DMPK: variants seen among roughly 807,000 people sequenced by gnomAD.
DMPK encodes the protein DM1 protein kinase.
A neutral mutation model predicts 70.3 loss-of-function variants in DMPK; 32 were observed. The ratio of observed to expected loss-of-function variants is 0.46; its 90% CI spans 0.34 to 0.61. The LOEUF (loss-of-function observed/expected upper bound fraction) is 0.61, where lower values mean the gene tolerates loss of function less well. Among genes scored for constraint, DMPK ranks in the 20% least tolerant of loss-of-function variants. The probability of loss-of-function intolerance (pLI) is 0.01; values close to 1 mark genes in which losing one functional copy is unlikely to be tolerated. For synonymous variants in DMPK, 469 were observed against 390.9 expected (o/e 1.20, Z -2.36); for missense variants, 899 against 886.0 (o/e 1.01, Z -0.19).
At position 45,775,418 on chromosome 19, in the gene DMPK, CT is replaced by C; in HGVS notation, c.1147-385del. The C allele has an allele frequency of 2.4e-3, 337 of 140,258 alleles. 6 individuals carry two copies. Among genetic ancestry groups the C allele is most frequent in the South Asian group, 0.013 (85 of 6,338 alleles). The allele number at this position is 140,258 out of a possible 1,614,324, so 8.7% of individuals were successfully genotyped here. A position where few individuals can be genotyped will look rare whatever the true frequency, so the allele number is the denominator to read the frequency against. ...TTCTGACCTCAAGTGATCCGCCTAC[CT>C]CAGCTGTTGTAGTCCCAAACTCTGG... On this transcript the variant is annotated intron_variant, in intron 8 of 14. Transcript: ENST00000291270.
At chr19:45,774,453 G>A (rs1006121817) in intron 9 of DMPK, among the ~76,000 whole-genome samples, 12 of 151,692 alleles carry the variant, frequency 7.9e-5, no homozygotes, top group South Asian at 4.2e-4. Context: ...TAGTAGAGAC[G>A]GGGTTTCACC....
Position 45,774,301 on chromosome 19 carries a change from C to T in DMPK, c.1232+648G>A, listed in dbSNP as rs868643173. ...TTTTTGAGACGGAGTCTTGCTCTGTCGCCCAGGCTGGAGTGCAGTGGCATG... is the reference window on the plus strand; with the variant it reads ...TTTTTGAGACGGAGTCTTGCTCTGTTGCCCAGGCTGGAGTGCAGTGGCATG... On this transcript the variant is annotated intron_variant, in intron 9 of 14. Transcript: ENST00000291270. Among the ~76,000 whole-genome samples the T allele has an allele frequency of 6.2e-5, 8 of 129,520 alleles. No individual in the cohort carries two copies. In the South Asian group the frequency reaches 9.7e-4, roughly 16 times the overall value. The allele number at this position is 129,520 out of a possible 152,430, so 85.0% of individuals were successfully genotyped here. A position where few individuals can be genotyped will look rare whatever the true frequency, so the allele number is the denominator to read the frequency against.
chr19:45,781,615 G>A (rs933423924), intron 1 of DMPK, among the ~76,000 whole-genome samples: 2 of 152,352 alleles, frequency 1.3e-5, no homozygotes, highest in African/African-American at 2.4e-5. Flanking sequence ...GGATCGCAGA[G>A]GAGGGGGCAC....
In DMPK at chr19:45,771,897, G is replaced by T; in HGVS notation, c.1376C>A (p.Ala459Glu). 1 of 1,595,440 alleles carries T rather than the reference G, an allele frequency of 6.3e-7. No homozygotes were observed. Among genetic ancestry groups the T allele is most frequent in the Non-Finnish European group, 8.5e-7 (1 of 1,170,970 alleles). The stretch of plus-strand genomic sequence containing the variant: ...CGTCACCTCGGCCTCAGCCTCTGCC[G>T]CAGGGACAGCCGCTGGAACTGCCAC... ...AEVAVPAAVP[A>E]AEAEAEVTLR... The change falls in exon 11 of 15, where the codon GCG becomes GAG. Residue 459 changes from alanine (A) to glutamate (E), a missense_variant. Ala to Glu is a moderately radical substitution (Grantham distance 107). Around this residue, in one of 3 missense-constraint regions of DMPK, gnomAD observed 555 missense variants for 483.8 expected, o/e 1.15. Coordinates refer to ENST00000291270, the MANE Select transcript of DMPK (RefSeq NM_004409.5).
intron 5 of DMPK, 134 bp downstream of exon 5, chr19:45,778,359 C>G: frequency 7.3e-7 from 1 of 1,371,880 alleles, no homozygotes; most frequent in Non-Finnish European, 1.0e-6. Flanking sequence ...AGTTCTGACC[C>G]CTACTCCCAG....
In DMPK at chr19:45,778,648, AG is replaced by A. The variant is rs1298616067; in HGVS notation, c.433-8del. 1 of 1,613,014 alleles carries A rather than the reference AG, an allele frequency of 6.2e-7. No homozygotes were observed. Among genetic ancestry groups the A allele is most frequent in the African/African-American group, 1.3e-5 (1 of 75,016 alleles). On this transcript the variant is annotated splice_polypyrimidine_tract_variant and splice_region_variant and intron_variant, in intron 4 of 14. Coordinates refer to ENST00000291270, the MANE Select transcript of DMPK (RefSeq NM_004409.5). ...AATACTCCATGACCAGGTACTGAGAAGGGGTTCGTCATGGGTGGTTGGTAGT... is the reference window on the plus strand; with the variant it reads ...AATACTCCATGACCAGGTACTGAGAAGGGTTCGTCATGGGTGGTTGGTAGT...
chr19:45,774,620 C>A (rs868004685), intron 9 of DMPK, among the ~76,000 whole-genome samples: 1 of 152,114 alleles, frequency 6.6e-6, no homozygotes, highest in African/African-American at 2.4e-5. Flanking sequence ...AATTTGCATT[C>A]TTTTACAACT....
intron 8 of DMPK, 180 bp from the exon 9 acceptor site, chr19:45,775,214 C>T: frequency 1.8e-6 from 1 of 565,298 alleles, no homozygotes; most frequent in South Asian, 2.0e-5. Context: ...GTTACCCAGG[C>T]TGGAGTGCAG....
In DMPK at chr19:45,779,268, T is replaced by C. The variant is rs1194658716; in HGVS notation, c.428A>G (p.Tyr143Cys). ...TCACCCCGGCCCGGAGCTCACCAGG[T>C]AGTTCTCATCCTGGAAGGCGAAGTG... is the stretch of plus-strand genomic sequence containing the variant. The part of the protein sequence containing the change: ...QLHFAFQDEN[Y>C]LYLVMEYYVG... Residue 143 changes from tyrosine (Y) to cysteine (C), a missense_variant, in exon 4 of 15, where the codon TAC (tyrosine) becomes TGC (cysteine). Physicochemically the swap from Tyr to Cys is radical, Grantham distance 194 (BLOSUM62 -2). This residue lies in a region of DMPK where 195 missense variants were observed against 259.7 expected (regional missense o/e 0.75). Coordinates refer to ENST00000291270, the MANE Select transcript of DMPK (RefSeq NM_004409.5). The C allele has an allele frequency of 6.2e-7, 1 of 1,613,488 alleles. No homozygotes were observed. The highest frequency in any genetic ancestry group is 8.5e-7 in the Non-Finnish European group (1 of 1,179,720).
At chr19:45,770,776 T>TA (rs1847744236) in intron 14 of DMPK, 136 bp from the exon 15 acceptor site, 1 of 1,116,304 alleles carries the variant, frequency 9.0e-7, no homozygotes, top group Admixed American at 2.7e-5. Flanking sequence ...CAGCTGTTGT[T>TA]AGTCCACTCG....
At chr19:45,779,604 A>T (rs923237122) in intron 2 of DMPK, 82 bp from the exon 3 acceptor site, 3 of 1,575,892 alleles carry the variant, frequency 1.9e-6, no homozygotes, top group African/African-American at 2.7e-5. Context: ...CCGCTTCTGC[A>T]CCCAGCCGTG....
intron 10 of DMPK, 58 bp downstream of exon 10, chr19:45,772,582 GC>G: frequency 8.6e-7 from 1 of 1,159,666 alleles, no homozygotes; most frequent in South Asian, 1.5e-5. Flanking sequence ...CACCCGGGAA[GC>G]CCTCACCTTT....
At position 45,777,747 on chromosome 19, in the gene DMPK, C is replaced by T. The variant is rs376004763; in HGVS notation, c.802G>A (p.Ala268Thr). Residue 268 changes from alanine (A) to threonine (T), a missense_variant, in exon 7 of 15, where the codon GCC (alanine) becomes ACC (threonine). Physicochemically the swap from Ala to Thr is moderately conservative, Grantham distance 58. Around this residue, in one of 3 missense-constraint regions of DMPK, gnomAD observed 195 missense variants for 259.7 expected, o/e 0.75. Coordinates refer to ENST00000291270, the MANE Select transcript of DMPK (RefSeq NM_004409.5). This position sits in a 1 kb window ranked among gnomAD's most constrained non-coding sequence, Gnocchi z 6.7. ...GTCTGCCCATAGAACATTTCATAGG[C>T]GAATACACCCAGCGCCCACCAGTCA... ...ECDWWALGVFAYEMFYGQTPF... is the reference protein window; with the variant it reads ...ECDWWALGVFTYEMFYGQTPF... The T allele has an allele frequency of 1.2e-5, 20 of 1,613,622 alleles. No homozygotes were observed. The Admixed American group carries it at 1.3e-4, about 11-fold the overall frequency.
At position 45,771,374 on chromosome 19, in the gene DMPK, G is replaced by C; in HGVS notation, c.1623C>G (p.Pro541=). 1.2e-6 allele frequency: 2 copies of C among 1,603,606 alleles called. No individual in the cohort carries two copies. The highest frequency in any genetic ancestry group is 1.7e-6 in the Non-Finnish European group (2 of 1,176,772). Residue 541 remains proline, a synonymous_variant, in exon 13 of 15, where the codon CCC becomes CCG. Coordinates refer to ENST00000291270, the MANE Select transcript of DMPK (RefSeq NM_004409.5). ...GATAVTGVPS[P]RATDPPSHLD... Reference sequence around the variant, plus strand: ...CATGGGAAGGTGGATCCGTGGCCCGGGGACTGGGGACCCCCGTGACAGCTG... The same window carrying C: ...CATGGGAAGGTGGATCCGTGGCCCGCGGACTGGGGACCCCCGTGACAGCTG...
At chr19:45,773,156 G>T (rs1219437711) in intron 9 of DMPK, among the ~76,000 whole-genome samples, 1 of 152,216 alleles carries the variant, frequency 6.6e-6, no homozygotes, top group Non-Finnish European at 1.5e-5. Context: ...TCCTAAGACT[G>T]GGCATGGGAC....
At chr19:45,780,303 C>A in intron 1 of DMPK, 1 of 1,557,678 alleles carries the variant, frequency 6.4e-7, no homozygotes. Context: ...ACGGCCCAGA[C>A]GTGGGGTTGT....
intron 12 of DMPK, 82 bp from the exon 13 acceptor site, chr19:45,771,478 T>G: frequency 6.2e-7 from 1 of 1,609,756 alleles, no homozygotes; most frequent in Non-Finnish European, 8.5e-7. Flanking sequence ...GTGGGTCCCT[T>G]CCCTCCTCCA....
rs1401621999 is a variant in DMPK, at chr19:45,770,457, G to C, written c.*31C>G. On this transcript the variant is annotated 3_prime_UTR_variant, in exon 15 of 15. Transcript: ENST00000291270. ...TGCCCCGGGCACTCAGTCTTCCAACGGGGCCCCGGAGTCGAAGACAGTTCT... is the reference window on the plus strand; with the variant it reads ...TGCCCCGGGCACTCAGTCTTCCAACCGGGCCCCGGAGTCGAAGACAGTTCT... The C allele has an allele frequency of 1.7e-5, 27 of 1,548,882 alleles. No homozygotes were observed. The highest frequency in any genetic ancestry group is 2.4e-5 in the Non-Finnish European group (27 of 1,146,608).
chr19:45,774,732 A>C (rs1969681499), intron 9 of DMPK, among the ~76,000 whole-genome samples: 1 of 152,256 alleles, frequency 6.6e-6, no homozygotes, highest in Non-Finnish European at 1.5e-5. Context: ...TGGGAAGCCC[A>C]GTCTGTGACT....
Sources: gnomAD v4.1 joint callset for allele counts (sites outside exome capture counted in the v4.1 genomes callset) on GRCh38, gnomAD v4.1.1 for gene constraint, gnomAD v4.1.1 regional missense constraint, Gnocchi (gnomAD v3.1) non-coding constraint, MANE v1.5 for transcripts, NCBI Gene and HGNC (gene_info 2026-07-23, HGNC 2026-07-21) for gene names.